Variants in NIN observed in about 807,000 individuals in gnomAD.
NIN encodes the protein ninein.
A neutral mutation model predicts 257.6 loss-of-function variants in NIN; 137 were observed. The observed-to-expected ratio is 0.53, with a 90% CI of 0.46 to 0.61. NIN has a LOEUF of 0.61. Ranked by LOEUF, NIN falls within the 20% of genes least tolerant of loss-of-function variation. NIN has a pLI of 0.00. For synonymous variants in NIN, 918 were observed against 919.8 expected, an observed-to-expected ratio of 1.00 and a Z score of 0.04; for missense variants, 2,439 against 2,501.2, an observed-to-expected ratio of 0.98 and a Z score of 0.53.
At chr14:50,747,380 C>T (rs1255532491) in intron 22 of NIN, among the ~76,000 whole-genome samples, 1 of 152,140 alleles carries the variant, frequency 6.6e-6, no homozygotes, top group East Asian at 1.9e-4. Flanking sequence ...TATAACCTGG[C>T]TGGGTGACAG....
chr14:50,729,734 AG>A lies in NIN; in HGVS notation c.5878-12del. The A allele has an allele frequency of 6.3e-7, 1 of 1,585,294 alleles. No homozygotes were observed. The highest frequency in any genetic ancestry group is 8.6e-7 in the Non-Finnish European group (1 of 1,165,372). On this transcript the variant is annotated splice_polypyrimidine_tract_variant and intron_variant, in intron 28 of 30. Transcript: ENST00000530997. ...CCTCAGGTGCTGCATCTGAAGGACA[AG>A]GGCAAAGCCCTGTTCAGCTGAGTCC... is the stretch of plus-strand genomic sequence containing the variant.
intron 17 of NIN, among the ~76,000 whole-genome samples, chr14:50,759,557 G>A (rs907169027): frequency 1.3e-5 from 2 of 151,140 alleles, no homozygotes; most frequent in Admixed American, 1.3e-4. Context: ...GCAGTAGCGC[G>A]ATCTCGGCTC....
intron 28 of NIN, 57 bp from the exon 29 acceptor site, chr14:50,729,780 C>T: frequency 7.4e-7 from 1 of 1,353,892 alleles, no homozygotes; most frequent in East Asian, 2.4e-5. Context: ...CAGAGCTGCC[C>T]TTTATGGTGT....
rs2040268048 is a variant in NIN at position 50,721,385 on chromosome 14, AAAATT to A, written c.*2073_*2077del. ...TACACCTCTCATACTGTAAAAGACA[AAAATT>A]AAAAATACAACAACCGTGATCACAT... On this transcript the variant is annotated 3_prime_UTR_variant, in exon 31 of 31. Transcript: ENST00000530997. The A allele has an allele frequency of 4.8e-6, 1 of 210,420 alleles. No homozygotes were observed. The highest frequency in any genetic ancestry group is 9.5e-6 in the Non-Finnish European group (1 of 105,238). 13.0% of individuals were successfully genotyped at this position (210,420 alleles called of 1,614,324 possible).
At chr14:50,772,775 G>A (rs1018437966) in intron 8 of NIN, among the ~76,000 whole-genome samples, 174 bp downstream of exon 8, 1 of 152,120 alleles carries the variant, frequency 6.6e-6, no homozygotes, top group Non-Finnish European at 1.5e-5. Context: ...TGTAATTTAC[G>A]GTCATTTCTC....
At chr14:50,763,713 C>T (rs202061665) in intron 15 of NIN, 113 bp downstream of exon 15, 58 of 675,594 alleles carry the variant, frequency 8.6e-5, no homozygotes, top group African/African-American at 2.0e-4. Context: ...TGGCCAAATT[C>T]TTTTTTTTTT....
intron 2 of NIN, among the ~76,000 whole-genome samples, chr14:50,826,837 G>A (rs1278623118): frequency 6.6e-6 from 1 of 152,222 alleles, no homozygotes; most frequent in Non-Finnish European, 1.5e-5. Flanking sequence ...GAAGAGCTCT[G>A]CGGAATGTCT....
chr14:50,743,586 T>C, intron 23 of NIN, 57 bp from the exon 24 acceptor site: 1 of 958,566 alleles, frequency 1.0e-6, no homozygotes, highest in Non-Finnish European at 1.7e-6. Context: ...TAGCTAGCCT[T>C]AATTTATATG....
rs1316965210 is a variant in NIN, at chr14:50,771,221, G to T, written c.1118+111C>A. 2.3e-5 allele frequency: 31 copies of T among 1,330,958 alleles called. No homozygotes were observed. In the Admixed American group the frequency reaches 4.0e-4, roughly 17 times the overall value. 82.4% of individuals were successfully genotyped at this position (1,330,958 alleles called of 1,614,324 possible). ...AGATGTGTGCAGCAGTTGGATAGAA[G>T]ATGAGCAACATTTGCATACAGAATA... On this transcript the variant is annotated intron_variant, in intron 10 of 30. Transcript: ENST00000530997.
At position 50,738,291 on chromosome 14, in the gene NIN, C is replaced by T. The variant is rs370172415; in HGVS notation, c.5629-5G>A. The T allele has an allele frequency of 2.1e-4, 334 of 1,611,252 alleles. 5 individuals carry two copies. In the Middle Eastern group the frequency reaches 3.3e-3, roughly 16 times the overall value. Reference sequence around the variant, plus strand: ...ATTGGATTCCAACTGACGGACCTAACAGGAACAAATGTAAGAGGAAAAAAT... The same window carrying T: ...ATTGGATTCCAACTGACGGACCTAATAGGAACAAATGTAAGAGGAAAAAAT... On this transcript the variant is annotated splice_polypyrimidine_tract_variant and splice_region_variant and intron_variant, in intron 26 of 30. Coordinates refer to ENST00000530997, the MANE Select transcript of NIN (RefSeq NM_020921.4).
chr14:50,745,909 T>G (rs1322231324), intron 22 of NIN, among the ~76,000 whole-genome samples: 1 of 152,128 alleles, frequency 6.6e-6, no homozygotes, highest in Admixed American at 6.5e-5. Flanking sequence ...ATAATAGCAA[T>G]GATGGGCTGA....
At chr14:50,740,352 C>CT (rs58542931) in intron 25 of NIN, among the ~76,000 whole-genome samples, 35,794 of 135,606 alleles carry the variant, frequency 0.26, 4,787 homozygotes, top group Middle Eastern at 0.35. Context: ...CCACAGCTGG[C>CT]TTTTTTTTTT....
chr14:50,762,052 G>C, intron 15 of NIN, 141 bp from the exon 16 acceptor site: 6 of 838,918 alleles, frequency 7.2e-6, no homozygotes, highest in Non-Finnish European at 1.1e-5. Flanking sequence ...GGAAATAACA[G>C]AGGCCAAGAG....
intron 14 of NIN, among the ~76,000 whole-genome samples, chr14:50,764,183 AAAAAT>A (rs1331567183): frequency 6.6e-6 from 1 of 152,260 alleles, no homozygotes; most frequent in East Asian, 1.9e-4. Context: ...AGACAATTTT[AAAAAT>A]GGGCAAATGA....
At chr14:50,826,129 C>T (rs1271697238) in intron 2 of NIN, among the ~76,000 whole-genome samples, 1 of 152,182 alleles carries the variant, frequency 6.6e-6, no homozygotes, top group African/African-American at 2.4e-5. Context: ...GGGTCAGATC[C>T]TAACTGGTAC....
intron 7 of NIN, among the ~76,000 whole-genome samples, chr14:50,775,282 G>A (rs971870394): frequency 2.6e-5 from 4 of 152,006 alleles, no homozygotes; most frequent in South Asian, 2.1e-4. Context: ...GGCCAGATTC[G>A]GCATCGGGCA....
At chr14:50,746,286 C>T (rs2140586308) in intron 22 of NIN, among the ~76,000 whole-genome samples, 1 of 152,320 alleles carries the variant, frequency 6.6e-6, no homozygotes, top group East Asian at 1.9e-4. Flanking sequence ...CCTTGGAATA[C>T]TTCACCACAC....
rs536804045 is a variant in NIN at position 50,755,316 on chromosome 14, A to G, written c.4539-449T>C. 3.9e-5 allele frequency among the ~76,000 whole-genome samples: 6 copies of G among 152,324 alleles called. No individual in the cohort carries two copies. In the South Asian group the frequency reaches 1.2e-3, roughly 32 times the overall value. On this transcript the variant is annotated intron_variant, in intron 18 of 30. Coordinates refer to ENST00000530997, the MANE Select transcript of NIN (RefSeq NM_020921.4). The stretch of plus-strand genomic sequence containing the variant: ...TCTCTATTGAAATCAAAGGGCCACA[A>G]TGAAATATGTACACTGTTTACTTTG...
intron 26 of NIN, 136 bp downstream of exon 26, chr14:50,739,172 A>G: frequency 1.5e-6 from 1 of 673,540 alleles, no homozygotes; most frequent in Non-Finnish European, 2.5e-6. Context: ...TAAATGATAC[A>G]TTCTTAAAAT....
Sources: allele counts gnomAD v4.1 joint callset (sites outside exome capture counted in the v4.1 genomes callset), GRCh38; gene constraint gnomAD v4.1.1; transcripts MANE v1.5; gene names NCBI Gene and HGNC (gene_info 2026-07-23, HGNC 2026-07-21).